The following PIK3R3 variants were observed in gnomAD, a reference collection of about 807,000 sequenced individuals.
PIK3R3 encodes phosphoinositide-3-kinase regulatory subunit 3.
Under a neutral mutation model 62.9 loss-of-function variants are expected in PIK3R3, and 64 were observed. The observed-to-expected ratio is 1.02, with a 90% CI of 0.83 to 1.25. The LOEUF is 1.25. Among genes scored for constraint, PIK3R3 ranks in the 50% most tolerant of loss-of-function variants. PIK3R3 has a pLI of 0.00. For missense variants in PIK3R3, 614 were observed against 561.6 expected (o/e 1.09, Z -0.94); for synonymous variants, 165 against 189.0 (o/e 0.87, Z 1.04).
intron 1 of PIK3R3, among the ~76,000 whole-genome samples, chr1:46,112,223 A>G (rs898204103): frequency 5.3e-5 from 8 of 152,194 alleles, no homozygotes; most frequent in African/African-American, 1.9e-4. Flanking sequence ...ACATTTCTTT[A>G]TAACTTGTTT....
intron 1 of PIK3R3, among the ~76,000 whole-genome samples, chr1:46,093,896 C>T (rs543283973): frequency 3.4e-5 from 5 of 147,190 alleles, no homozygotes; most frequent in Non-Finnish European, 7.5e-5. Flanking sequence ...TATGGAGAAA[C>T]TGTCTCTACA....
chr1:46,163,756 C>T, the PIK3R3 span, among the ~76,000 whole-genome samples: 162 of 152,284 alleles, frequency 1.1e-3, no homozygotes, highest in African/African-American at 3.7e-3. Context: ...TGTGAGAAGA[C>T]GTCACACAGA....
At chr1:46,085,921 T>A (rs931854777) in intron 1 of PIK3R3, among the ~76,000 whole-genome samples, 1 of 152,202 alleles carries the variant, frequency 6.6e-6, no homozygotes, top group East Asian at 1.9e-4. Flanking sequence ...TTTTCAAAAT[T>A]GTGAGACAGG....
chr1:46,165,305 CTT>C, the PIK3R3 span, among the ~76,000 whole-genome samples: 18 of 129,962 alleles, frequency 1.4e-4, no homozygotes, highest in East Asian at 2.2e-4. Flanking sequence ...TCTTCTTCTT[CTT>C]TTTTTTTTTT....
At chr1:46,165,101 T>TC in the PIK3R3 span, among the ~76,000 whole-genome samples, 1 of 151,962 alleles carries the variant, frequency 6.6e-6, no homozygotes, top group African/African-American at 2.4e-5. Context: ...TCCCTTTGTT[T>TC]CCCCCAGACC....
In PIK3R3 at chr1:46,132,109, C is replaced by A; in HGVS notation, c.-157G>T. On this transcript the variant is annotated 5_prime_UTR_variant, in exon 1 of 10. Coordinates refer to ENST00000262741, the MANE Select transcript of PIK3R3 (RefSeq NM_003629.4). ...TACCAGTCCGGCCAAACTACCCGAA[C>A]AGGGTCCTCCCCCTCTCTCCTACAG... 7.0e-7 allele frequency: 1 copy of A among 1,418,826 alleles called. No homozygotes were observed. Among genetic ancestry groups the A allele is most frequent in the East Asian group, 2.6e-5 (1 of 37,968 alleles). The allele number at this position is 1,418,826 out of a possible 1,614,324, so 87.9% of individuals were successfully genotyped here.
chr1:46,056,538 C>T (rs1297085160), intron 6 of PIK3R3: 1 of 152,266 alleles, frequency 6.6e-6, no homozygotes, highest in Admixed American at 6.5e-5. Context: ...CATCCCTACC[C>T]TCAGGCCACA....
Position 46,105,641 on chromosome 1 carries a change from C to T in PIK3R3, c.107-24891G>A, listed in dbSNP as rs559172274. On this transcript the variant is annotated intron_variant, in intron 1 of 9. Coordinates refer to ENST00000262741, the MANE Select transcript of PIK3R3 (RefSeq NM_003629.4). ...GACCAGTCTAGCCTGGCCAACACAGCGAAACCCCATCTCTACTAAAGATAG... is the reference window on the plus strand; with the variant it reads ...GACCAGTCTAGCCTGGCCAACACAGTGAAACCCCATCTCTACTAAAGATAG... Among the ~76,000 whole-genome samples the T allele has an allele frequency of 7.9e-4, 120 of 151,974 alleles. 3 individuals are homozygous for T. In the Middle Eastern group the frequency reaches 0.014, roughly 17 times the overall value.
chr1:46,135,543 GT>G (rs1479420647), upstream of PIK3R3, among the ~76,000 whole-genome samples: 2 of 152,024 alleles, frequency 1.3e-5, no homozygotes, highest in Non-Finnish European at 2.9e-5. Context: ...CCCTGGTATG[GT>G]TTTTTTCTGC....
intron 7 of PIK3R3, among the ~76,000 whole-genome samples, chr1:46,054,809 T>C (rs912067682): frequency 1.3e-5 from 2 of 152,264 alleles, no homozygotes; most frequent in Non-Finnish European, 2.9e-5. Flanking sequence ...CTAAATTATA[T>C]AGTTTTCCCT....
At chr1:46,146,358 C>T in the PIK3R3 span, among the ~76,000 whole-genome samples, 26 of 152,230 alleles carry the variant, frequency 1.7e-4, no homozygotes, top group Middle Eastern at 3.4e-3. Context: ...CTTTCCTCAC[C>T]CACTTACAGT....
intron 1 of PIK3R3, among the ~76,000 whole-genome samples, chr1:46,102,803 T>TAAAAA (rs33975572): frequency 5.4e-5 from 3 of 55,766 alleles, no homozygotes; most frequent in Admixed American, 3.0e-4. Flanking sequence ...GTATATATCT[T>TAAAAA]AAAAAAAAAA....
intron 7 of PIK3R3, among the ~76,000 whole-genome samples, chr1:46,049,098 T>C (rs1239199407): frequency 6.6e-6 from 1 of 151,478 alleles, no homozygotes; most frequent in Non-Finnish European, 1.5e-5. Flanking sequence ...TTAGAAAAGA[T>C]ACTATATATA....
chr1:46,045,917 C>T lies in PIK3R3; in HGVS notation c.1187+1G>A. 1.5e-5 allele frequency: 24 copies of T among 1,611,394 alleles called. No homozygotes were observed. The highest frequency in any genetic ancestry group is 2.0e-5 in the Non-Finnish European group (24 of 1,177,934). On this transcript the variant is annotated splice_donor_variant, in intron 9 of 9. Coordinates refer to ENST00000262741, the MANE Select transcript of PIK3R3 (RefSeq NM_003629.4). LOFTEE classifies it high-confidence loss of function. ...AGGTTATATCCCCAGAGAAGACTTACACCACAGAGCAAGCATAGCATCCTT... is the reference window on the plus strand; with the variant it reads ...AGGTTATATCCCCAGAGAAGACTTATACCACAGAGCAAGCATAGCATCCTT...
At chr1:46,085,074 T>C (rs557997776) in intron 1 of PIK3R3, among the ~76,000 whole-genome samples, 5 of 152,212 alleles carry the variant, frequency 3.3e-5, no homozygotes, top group Non-Finnish European at 7.3e-5. Flanking sequence ...CCAACAAACA[T>C]GTAATGACCA....
chr1:46,126,221 C>T (rs1481151080), intron 1 of PIK3R3, among the ~76,000 whole-genome samples: 2 of 152,032 alleles, frequency 1.3e-5, no homozygotes, highest in Admixed American at 1.3e-4. Flanking sequence ...AGACTCAATG[C>T]AGCAGCAGAG....
intron 1 of PIK3R3, among the ~76,000 whole-genome samples, chr1:46,101,171 C>CAAA (rs1171228788): frequency 3.3e-3 from 241 of 73,488 alleles, no homozygotes; most frequent in African/African-American, 5.1e-3. Context: ...GACTCCGTCT[C>CAAA]AAAAAAAAAA....
intron 1 of PIK3R3, among the ~76,000 whole-genome samples, chr1:46,114,327 T>C (rs949896925): frequency 1.3e-5 from 2 of 152,170 alleles, no homozygotes; most frequent in Non-Finnish European, 2.9e-5. Context: ...AAAGTAGATA[T>C]GCAAAAAAAC....
At chr1:46,119,241 A>T (rs565913252) in intron 1 of PIK3R3, among the ~76,000 whole-genome samples, 7 of 152,264 alleles carry the variant, frequency 4.6e-5, no homozygotes, top group Non-Finnish European at 8.8e-5. Flanking sequence ...CTACACTTAG[A>T]ATAGTGCCTG....
Sources: gnomAD v4.1 joint callset for allele counts (sites outside exome capture counted in the v4.1 genomes callset) on GRCh38, gnomAD v4.1.1 for gene constraint, MANE v1.5 for transcripts, NCBI Gene and HGNC (gene_info 2026-07-23, HGNC 2026-07-21) for gene names.